The following MEGF11 variants were observed in gnomAD, a reference collection of about 807,000 sequenced individuals.
MEGF11 encodes multiple epidermal growth factor-like domains protein 11.
A neutral mutation model predicts 146.6 loss-of-function variants in MEGF11; 126 were observed. The ratio of observed to expected loss-of-function variants is 0.86; its 90% CI spans 0.74 to 1.00. The LOEUF (loss-of-function observed/expected upper bound fraction) is 1.00. Among genes scored for constraint, MEGF11 ranks in the 50% least tolerant of loss-of-function variants. MEGF11 has a pLI of 0.00. For missense variants in MEGF11, 1,509 were observed against 1,521.2 expected, an observed-to-expected ratio of 0.99 and a Z score of 0.13; for synonymous variants, 532 against 583.4, an observed-to-expected ratio of 0.91 and a Z score of 1.27.
rs1195428516 is a variant in MEGF11 at position 66,094,512 on chromosome 15, G to A, written c.302-18C>T. 7 of 1,550,976 alleles carry A rather than the reference G, an allele frequency of 4.5e-6. No individual in the cohort carries two copies. Among genetic ancestry groups the A allele is most frequent in the Non-Finnish European group, 6.1e-6 (7 of 1,145,316 alleles). On this transcript the variant is annotated intron_variant, in intron 4 of 25. Transcript: ENST00000395614. ...ACACAGGGCTGAGGGGACATGGGGAGAGGGAGGAAGAACCAGAACAAACAG... is the reference window on the plus strand; with the variant it reads ...ACACAGGGCTGAGGGGACATGGGGAAAGGGAGGAAGAACCAGAACAAACAG...
intron 3 of MEGF11, among the ~76,000 whole-genome samples, chr15:66,120,852 G>T (rs2087987562): frequency 6.6e-6 from 1 of 152,162 alleles, no homozygotes; most frequent in African/African-American, 2.4e-5. Flanking sequence ...CCCCGCAATG[G>T]GGGGTGGTCT....
chr15:66,020,462 C>G (rs922743709), intron 5 of MEGF11, among the ~76,000 whole-genome samples: 1 of 152,216 alleles, frequency 6.6e-6, no homozygotes, highest in Non-Finnish European at 1.5e-5. Flanking sequence ...TCTGTTCTTT[C>G]CAGTTACAAG....
At chr15:66,085,208 T>A (rs1205397673) in intron 5 of MEGF11, among the ~76,000 whole-genome samples, 1 of 152,136 alleles carries the variant, frequency 6.6e-6, no homozygotes, top group East Asian at 1.9e-4. Context: ...GACATGCCTA[T>A]GCCCACCCCC....
chr15:66,212,638 G>C (rs760488106), intron 1 of MEGF11, among the ~76,000 whole-genome samples: 3 of 152,138 alleles, frequency 2.0e-5, no homozygotes, highest in Non-Finnish European at 4.4e-5. Flanking sequence ...ACAAGAATGC[G>C]CTTCCTTCCA....
chr15:65,948,597 G>A (rs1169753314), intron 10 of MEGF11, among the ~76,000 whole-genome samples: 1 of 152,122 alleles, frequency 6.6e-6, no homozygotes. Context: ...CTTGCAGTGT[G>A]TCTTCTCTCC....
chr15:66,024,575 G>A (rs145186441), intron 5 of MEGF11, among the ~76,000 whole-genome samples: 1 of 152,212 alleles, frequency 6.6e-6, no homozygotes, highest in South Asian at 2.1e-4. Context: ...CATGCATTAT[G>A]TTGTGGCATC....
chr15:65,965,601 T>TTTC (rs869249487), intron 8 of MEGF11, among the ~76,000 whole-genome samples: 15,153 of 45,176 alleles, frequency 0.34, 3,557 homozygotes, highest in Non-Finnish European at 0.44. Flanking sequence ...TCTTTCTTTC[T>TTTC]TTTTTTTTTT....
At chr15:66,218,210 C>G (rs2091636038) in intron 1 of MEGF11, among the ~76,000 whole-genome samples, 2 of 152,108 alleles carry the variant, frequency 1.3e-5, no homozygotes, top group South Asian at 4.2e-4. Flanking sequence ...TGGTTCATCC[C>G]TAGAGGGAGA....
At chr15:66,250,525 AAAG>A (rs2092355761) in intron 1 of MEGF11, among the ~76,000 whole-genome samples, 1 of 152,246 alleles carries the variant, frequency 6.6e-6, no homozygotes. Context: ...TGCCTGGCAC[AAAG>A]AAGGAGCTCA....
intron 1 of MEGF11, among the ~76,000 whole-genome samples, chr15:66,237,251 T>C (rs896102979): frequency 2.6e-5 from 4 of 152,138 alleles, no homozygotes; most frequent in Non-Finnish European, 5.9e-5. Flanking sequence ...TTTCTTCTCA[T>C]GGTGTCTTAT....
At chr15:65,948,869 C>T (rs1195522758) in intron 10 of MEGF11, among the ~76,000 whole-genome samples, 10 of 152,070 alleles carry the variant, frequency 6.6e-5, no homozygotes, top group Non-Finnish European at 1.2e-4. Flanking sequence ...ATCATTTCTG[C>T]TATTTTGCAG....
intron 1 of MEGF11, among the ~76,000 whole-genome samples, chr15:66,145,832 C>A (rs1383968670): frequency 1.3e-5 from 2 of 152,100 alleles, no homozygotes; most frequent in East Asian, 3.9e-4. Context: ...CTTAATCTTG[C>A]GGGGGATCTG....
intron 5 of MEGF11, among the ~76,000 whole-genome samples, chr15:66,016,864 T>C (rs2082906018): frequency 6.6e-6 from 1 of 152,338 alleles, no homozygotes; most frequent in African/African-American, 2.4e-5. Context: ...GGGATGCCTA[T>C]AGAGACAGGA....
chr15:66,090,852 A>C (rs1318074226), intron 5 of MEGF11, among the ~76,000 whole-genome samples: 1 of 152,250 alleles, frequency 6.6e-6, no homozygotes, highest in East Asian at 1.9e-4. Context: ...CAAGTTATAG[A>C]CTAGCTCATA....
At chr15:66,230,169 G>C (rs993155700) in intron 1 of MEGF11, among the ~76,000 whole-genome samples, 1 of 152,182 alleles carries the variant, frequency 6.6e-6, no homozygotes, top group African/African-American at 2.4e-5. Context: ...TAGCTGGGTA[G>C]AGGGGACTCT....
chr15:65,955,823 A>AATATATATAAATATATATATATAT (rs71139451), intron 10 of MEGF11, among the ~76,000 whole-genome samples: 887 of 40,064 alleles, frequency 0.022, 30 homozygotes, highest in African/African-American at 0.052. Flanking sequence ...CAATACTTTA[A>AATATATATAAATATATATATATAT]ATATATAACA....
At chr15:65,929,982 A>C in intron 11 of MEGF11, 99 bp from the exon 12 acceptor site, 1 of 1,173,870 alleles carries the variant, frequency 8.5e-7, no homozygotes, top group Non-Finnish European at 1.2e-6. Context: ...CACCCAAACC[A>C]CTGCTTTCCT....
At chr15:66,031,407 G>A (rs1275399894) in intron 5 of MEGF11, among the ~76,000 whole-genome samples, 1 of 152,180 alleles carries the variant, frequency 6.6e-6, no homozygotes, top group Non-Finnish European at 1.5e-5. Context: ...CAAAGTTGAG[G>A]TCTTCCTGGC....
chr15:65,991,989 A>G (rs1231341189), intron 5 of MEGF11, among the ~76,000 whole-genome samples: 2 of 152,244 alleles, frequency 1.3e-5, no homozygotes. Context: ...CGGGGTGATG[A>G]GAGGAGCTCT....
Sources: gnomAD v4.1 joint callset for allele counts (sites outside exome capture counted in the v4.1 genomes callset) on GRCh38, gnomAD v4.1.1 for gene constraint, MANE v1.5 for transcripts, NCBI Gene and HGNC (gene_info 2026-07-23, HGNC 2026-07-21) for gene names.